The following TNFSF4 variants were observed in gnomAD, a reference collection of about 807,000 sequenced individuals.
TNFSF4 encodes the protein TNF superfamily member 4.
TNFSF4 carries 4 observed loss-of-function variants against 7.3 expected under a neutral mutation model. The ratio of observed to expected loss-of-function variants is 0.55; its 90% CI spans 0.27 to 1.25. The LOEUF is 1.25. Ranked by LOEUF, TNFSF4 falls within the 50% of genes most tolerant of loss-of-function variation. TNFSF4 has a pLI of 0.12. For missense variants in TNFSF4, 181 were observed against 208.8 expected (o/e 0.87, Z 0.82); for synonymous variants, 76 against 83.7 (o/e 0.91, Z 0.50).
chr1:173,280,095 C>T, the TNFSF4 span, among the ~76,000 whole-genome samples: 1 of 152,032 alleles, frequency 6.6e-6, no homozygotes, highest in Non-Finnish European at 1.5e-5. Flanking sequence ...CTTCCTTTCT[C>T]TGCATACCAA....
the TNFSF4 span, among the ~76,000 whole-genome samples, chr1:173,356,842 G>C: frequency 6.6e-6 from 1 of 152,100 alleles, no homozygotes; most frequent in Non-Finnish European, 1.5e-5. Flanking sequence ...ATCAATGTGT[G>C]GGGGGAAAAA....
the TNFSF4 span, among the ~76,000 whole-genome samples, chr1:173,276,871 T>C: frequency 6.6e-6 from 1 of 152,134 alleles, no homozygotes; most frequent in Non-Finnish European, 1.5e-5. Context: ...CTTTATTATC[T>C]GCAGCTCAAT....
chr1:173,405,468 A>G, the TNFSF4 span, among the ~76,000 whole-genome samples: 2 of 152,220 alleles, frequency 1.3e-5, no homozygotes, highest in African/African-American at 4.8e-5. Flanking sequence ...CAGTTTACCA[A>G]TCCCTGAGCC....
At chr1:173,189,122 T>G (rs1376533395) in intron 1 of TNFSF4, among the ~76,000 whole-genome samples, 1 of 152,214 alleles carries the variant, frequency 6.6e-6, no homozygotes, top group Non-Finnish European at 1.5e-5. Flanking sequence ...TGCTCCTTCA[T>G]GCAAGCGTCT....
chr1:173,290,152 G>A, the TNFSF4 span, among the ~76,000 whole-genome samples: 46 of 152,116 alleles, frequency 3.0e-4, no homozygotes, highest in East Asian at 7.7e-4. Context: ...TCAAGTACAC[G>A]GCACACTGAC....
intron 1 of TNFSF4, among the ~76,000 whole-genome samples, chr1:173,204,754 C>G (rs759126063): frequency 2.6e-5 from 4 of 152,092 alleles, no homozygotes; most frequent in Non-Finnish European, 4.4e-5. Flanking sequence ...ACCACCACCA[C>G]CACCCGATCC....
the TNFSF4 span, among the ~76,000 whole-genome samples, chr1:173,422,396 ATGAG>A: frequency 6.6e-6 from 1 of 150,882 alleles, no homozygotes; most frequent in Non-Finnish European, 1.5e-5. Flanking sequence ...CAACCATGTC[ATGAG>A]TGAGTGCTAT....
chr1:173,396,231 C>A, the TNFSF4 span, among the ~76,000 whole-genome samples: 1 of 152,090 alleles, frequency 6.6e-6, no homozygotes, highest in Non-Finnish European at 1.5e-5. Context: ...GGTTTGGAGC[C>A]AAGCATGGTG....
the TNFSF4 span, among the ~76,000 whole-genome samples, chr1:173,281,327 T>C: frequency 6.6e-6 from 1 of 152,190 alleles, no homozygotes; most frequent in Non-Finnish European, 1.5e-5. Context: ...AGCCCATGCT[T>C]AACAAACTTA....
the TNFSF4 span, among the ~76,000 whole-genome samples, chr1:173,316,458 A>G: frequency 2.4e-4 from 36 of 152,272 alleles, no homozygotes; most frequent in South Asian, 7.0e-3. Flanking sequence ...ATTTCAGAAC[A>G]AAGACTTTTT....
At chr1:173,318,755 G>A in the TNFSF4 span, among the ~76,000 whole-genome samples, 20 of 152,278 alleles carry the variant, frequency 1.3e-4, no homozygotes, top group African/African-American at 3.6e-4. Context: ...TTTTGTAATA[G>A]AGAAGGTGTC....
At chr1:173,334,794 C>T in the TNFSF4 span, among the ~76,000 whole-genome samples, 156 of 152,240 alleles carry the variant, frequency 1.0e-3, no homozygotes, top group African/African-American at 3.4e-3. Context: ...CTTGAGGCTG[C>T]TGCCTTTCAA....
At chr1:173,235,894 C>T in the TNFSF4 span, among the ~76,000 whole-genome samples, 1 of 152,270 alleles carries the variant, frequency 6.6e-6, no homozygotes, top group East Asian at 1.9e-4. Flanking sequence ...TGATTACTAA[C>T]CCTCCATATT....
At chr1:173,252,280 A>G in the TNFSF4 span, among the ~76,000 whole-genome samples, 2 of 152,194 alleles carry the variant, frequency 1.3e-5, no homozygotes, top group Non-Finnish European at 2.9e-5. Flanking sequence ...TCTATCTTAC[A>G]AGGTAAGTCC....
At chr1:173,428,427 G>C in the TNFSF4 span, among the ~76,000 whole-genome samples, 4 of 152,136 alleles carry the variant, frequency 2.6e-5, no homozygotes, top group Non-Finnish European at 4.4e-5. Flanking sequence ...TCAACTGATT[G>C]CCAGGATAAC....
At chr1:173,201,031 C>T (rs1649921215) in intron 1 of TNFSF4, among the ~76,000 whole-genome samples, 1 of 152,172 alleles carries the variant, frequency 6.6e-6, no homozygotes. Flanking sequence ...CCCAATGTTT[C>T]TAGATTAGTG....
At chr1:173,251,732 C>T in the TNFSF4 span, among the ~76,000 whole-genome samples, 1 of 152,302 alleles carries the variant, frequency 6.6e-6, no homozygotes, top group Non-Finnish European at 1.5e-5. Context: ...ATATAAAGGA[C>T]ACAGCAGAGT....
the TNFSF4 span, among the ~76,000 whole-genome samples, chr1:173,221,349 A>G: frequency 2.0e-5 from 3 of 152,282 alleles, no homozygotes; most frequent in East Asian, 5.8e-4. Context: ...ACAGACCACA[A>G]TGGAATAGGA....
chr1:173,202,532 A>G (rs1434234842), intron 1 of TNFSF4, among the ~76,000 whole-genome samples: 2 of 152,202 alleles, frequency 1.3e-5, no homozygotes, highest in South Asian at 2.1e-4. Context: ...ACACAAGAGA[A>G]TCGTTACTTT....
Sources: gnomAD v4.1 joint callset for allele counts (sites outside exome capture counted in the v4.1 genomes callset) on GRCh38, gnomAD v4.1.1 for gene constraint, MANE v1.5 for transcripts, NCBI Gene and HGNC (gene_info 2026-07-23, HGNC 2026-07-21) for gene names.